MMP26: variants seen among roughly 807,000 people sequenced by gnomAD.
The protein encoded by MMP26 is matrix metallopeptidase 26, also known as matrix metalloproteinase-26.
Under a neutral mutation model 31.0 loss-of-function variants are expected in MMP26, and 33 were observed. That is an observed-to-expected ratio of 1.06 (90% CI 0.81 to 1.42). The LOEUF (loss-of-function observed/expected upper bound fraction) is 1.42, where lower values mean the gene tolerates loss of function less well. Among genes scored for constraint, MMP26 ranks in the 40% most tolerant of loss-of-function variants. MMP26 has a pLI of 0.00. For missense variants in MMP26, 347 were observed against 316.1 expected, an observed-to-expected ratio of 1.10 and a Z score of -0.74; for synonymous variants, 122 against 114.9, an observed-to-expected ratio of 1.06 and a Z score of -0.40.
At chr11:4,717,436 AAC>A (rs747621893) in intron 1 of MMP26, among the ~76,000 whole-genome samples, 13 of 152,184 alleles carry the variant, frequency 8.5e-5, no homozygotes, top group Non-Finnish European at 1.0e-4. Flanking sequence ...GGATGAGAAA[AAC>A]ATAGTTGTAG....
intron 2 of MMP26, among the ~76,000 whole-genome samples, chr11:4,939,569 G>A (rs1194166524): frequency 1.3e-5 from 2 of 152,074 alleles, no homozygotes; most frequent in African/African-American, 4.8e-5. Flanking sequence ...AAACATTCAT[G>A]CAATTTTCCT....
intron 2 of MMP26, among the ~76,000 whole-genome samples, chr11:4,967,528 G>A (rs865847): frequency 6.6e-6 from 1 of 152,076 alleles, no homozygotes; most frequent in African/African-American, 2.4e-5. Context: ...AGGTCCCCAA[G>A]ATATTCTGAG....
Position 4,991,493 on chromosome 11 carries a change from A to C in MMP26, c.592A>C (p.Thr198Pro). Reference sequence around the variant, plus strand: ...GAATGAACACTGGTCAGCTTCAGACACTGGTAAATGCCTTGTTTGGTGGGA... The same window carrying C: ...GAATGAACACTGGTCAGCTTCAGACCCTGGTAAATGCCTTGTTTGGTGGGA... Reference protein sequence around the residue: ...DKNEHWSASDTGYNLFLVATH... With the variant: ...DKNEHWSASDPGYNLFLVATH... The change falls in exon 6 of 8, where the codon ACT becomes CCT. Residue 198 changes from threonine to proline, a missense_variant. Coordinates refer to ENST00000380390, the MANE Select transcript of MMP26 (RefSeq NM_021801.5). The C allele has an allele frequency of 1.9e-6, 3 of 1,613,154 alleles. No homozygotes were observed. Among genetic ancestry groups the C allele is most frequent in the Non-Finnish European group, 2.5e-6 (3 of 1,179,376 alleles).
At chr11:4,907,559 G>T (rs1365322038) in intron 2 of MMP26, 2 of 1,613,798 alleles carry the variant, frequency 1.2e-6, no homozygotes, top group South Asian at 2.2e-5. Context: ...TTATTTCCTT[G>T]CCATGTTGGC....
chr11:4,738,627 C>A (rs1049567580), intron 1 of MMP26, among the ~76,000 whole-genome samples: 2 of 152,066 alleles, frequency 1.3e-5, no homozygotes, highest in African/African-American at 4.8e-5. Flanking sequence ...TGGCTTTTAC[C>A]TCATCTAATT....
chr11:4,769,034 C>T lies in MMP26; in HGVS notation c.-145+1693C>T. 10 of 1,528,826 alleles carry T rather than the reference C, an allele frequency of 6.5e-6. No homozygotes were observed. Among genetic ancestry groups the T allele is most frequent in the Non-Finnish European group, 8.8e-6 (10 of 1,139,220 alleles). The allele number at this position is 1,528,826 out of a possible 1,614,324, so 94.7% of individuals were successfully genotyped here. A position where few individuals can be genotyped will look rare whatever the true frequency, so the allele number is the denominator to read the frequency against. ...CTTGCGGATTTGTTTTGTTTTTACACTGTCGATGATGGGGTTGAGCACAGG... is the reference window on the plus strand; with the variant it reads ...CTTGCGGATTTGTTTTGTTTTTACATTGTCGATGATGGGGTTGAGCACAGG... On this transcript the variant is annotated intron_variant, in intron 2 of 7. Transcript: ENST00000380390.
chr11:4,848,251 C>A, intron 2 of MMP26: 1 of 1,606,332 alleles, frequency 6.2e-7, no homozygotes, highest in Non-Finnish European at 8.5e-7. Flanking sequence ...TGAGCACCAC[C>A]CACCTTCCTG....
Position 4,820,520 on chromosome 11 carries a change from TTCTC to T in MMP26, c.-145+53180_-145+53183del, listed in dbSNP as rs534186958. Among the ~76,000 whole-genome samples, 8 of 152,032 alleles carry T rather than the reference TTCTC, an allele frequency of 5.3e-5. No homozygotes were observed. The East Asian group carries it at 1.5e-3, about 29-fold the overall frequency. Reference sequence around the variant, plus strand: ...TCCTTCCCTTTCTTCCTTCCCTTCTTTCTCACTCCCTCCCTTCTTCCTCTTATTC... The same window carrying T: ...TCCTTCCCTTTCTTCCTTCCCTTCTTACTCCCTCCCTTCTTCCTCTTATTC... On this transcript the variant is annotated intron_variant, in intron 2 of 7. Coordinates refer to ENST00000380390, the MANE Select transcript of MMP26 (RefSeq NM_021801.5).
chr11:4,811,661 C>T (rs1849351040), intron 2 of MMP26, among the ~76,000 whole-genome samples: 1 of 151,976 alleles, frequency 6.6e-6, no homozygotes. Context: ...CCTTCTTTTT[C>T]TTCCTGCTTT....
intron 2 of MMP26, among the ~76,000 whole-genome samples, chr11:4,879,810 C>T (rs1032894203): frequency 6.6e-6 from 1 of 152,024 alleles, no homozygotes; most frequent in Non-Finnish European, 1.5e-5. Flanking sequence ...TAGGAATGGC[C>T]AGGAGAGTAA....
rs187395317 is a variant in MMP26 at position 4,958,105 on chromosome 11, T to G, written c.-144-29963T>G. Among the ~76,000 whole-genome samples, 6 of 152,294 alleles carry G rather than the reference T, an allele frequency of 3.9e-5. No homozygotes were observed. The East Asian group carries it at 9.7e-4, about 25-fold the overall frequency. ...ATTTGTAATCTGGTTGGGCCCATGATGGCGCCAGCTCCTTCACTAGATGGA... is the reference window on the plus strand; with the variant it reads ...ATTTGTAATCTGGTTGGGCCCATGAGGGCGCCAGCTCCTTCACTAGATGGA... On this transcript the variant is annotated intron_variant, in intron 2 of 7. Transcript: ENST00000380390.
chr11:4,833,809 G>C (rs1849678219), intron 2 of MMP26, among the ~76,000 whole-genome samples: 1 of 152,166 alleles, frequency 6.6e-6, no homozygotes, highest in Non-Finnish European at 1.5e-5. Flanking sequence ...CATGGCACTT[G>C]ACAGTGTTTA....
chr11:4,908,332 A>C, intron 2 of MMP26: 1 of 1,590,038 alleles, frequency 6.3e-7, no homozygotes, highest in Non-Finnish European at 8.6e-7. Context: ...TAGGTAATAA[A>C]TTATCAACCA....
intron 2 of MMP26, chr11:4,943,710 A>C: frequency 2.8e-6 from 1 of 353,442 alleles, no homozygotes; most frequent in Non-Finnish European, 5.6e-6. Flanking sequence ...CTGTTTAAGG[A>C]GCCCCAGAGT....
intron 5 of MMP26, 40 bp downstream of exon 5, chr11:4,990,786 T>C: frequency 1.3e-6 from 2 of 1,594,198 alleles, no homozygotes; most frequent in Non-Finnish European, 1.7e-6. Context: ...GTATATGCCC[T>C]GTGTAAAGGA....
intron 2 of MMP26, among the ~76,000 whole-genome samples, chr11:4,892,896 T>A (rs967175591): frequency 6.6e-6 from 1 of 152,164 alleles, no homozygotes; most frequent in African/African-American, 2.4e-5. Flanking sequence ...ATTTAACATC[T>A]ATTTTAATAC....
intron 2 of MMP26, among the ~76,000 whole-genome samples, chr11:4,868,471 G>A (rs997374392): frequency 6.6e-6 from 1 of 152,146 alleles, no homozygotes; most frequent in Non-Finnish European, 1.5e-5. Context: ...ATTCACAACT[G>A]CTTCAAAGAG....
chr11:4,815,632 T>C (rs1016662640), intron 2 of MMP26, among the ~76,000 whole-genome samples: 1 of 152,218 alleles, frequency 6.6e-6, no homozygotes, highest in Non-Finnish European at 1.5e-5. Flanking sequence ...TTATGTACTT[T>C]TTTTGGAATG....
At chr11:4,707,085 A>G (rs567789828) in intron 1 of MMP26, among the ~76,000 whole-genome samples, 8 of 152,136 alleles carry the variant, frequency 5.3e-5, no homozygotes, top group Non-Finnish European at 1.0e-4. Flanking sequence ...TTTCCTTTGG[A>G]TATATACTCA....
Sources: gnomAD v4.1 joint callset for allele counts (sites outside exome capture counted in the v4.1 genomes callset) on GRCh38, gnomAD v4.1.1 for gene constraint, MANE v1.5 for transcripts, NCBI Gene and HGNC (gene_info 2026-07-23, HGNC 2026-07-21) for gene names.